Variants in ERC1 observed in about 807,000 individuals in gnomAD.
ERC1 encodes the protein ELKS/RAB6-interacting/CAST family member 1, also known as RAB6 interacting protein 2.
In ERC1, 56 loss-of-function variants were observed where a neutral mutation model predicts 132.0. The ratio of observed to expected loss-of-function variants is 0.42; its 90% CI spans 0.34 to 0.53. ERC1 has a LOEUF of 0.53. Among genes scored for constraint, ERC1 ranks in the 20% least tolerant of loss-of-function variants. The probability of loss-of-function intolerance (pLI) is 0.03; values close to 1 mark genes in which losing one functional copy is unlikely to be tolerated. For missense variants in ERC1, 1,202 were observed against 1,349.9 expected, an observed-to-expected ratio of 0.89 and a Z score of 1.72; for synonymous variants, 478 against 476.1, an observed-to-expected ratio of 1.00 and a Z score of -0.05.
chr12:1,222,703 A>G (rs1044646303), intron 12 of ERC1, among the ~76,000 whole-genome samples: 4 of 152,224 alleles, frequency 2.6e-5, no homozygotes, highest in African/African-American at 9.6e-5. Context: ...ATTTGACAAT[A>G]GAAGCATCCT....
At chr12:1,440,218 T>TTCC (rs573670116) in intron 17 of ERC1, among the ~76,000 whole-genome samples, 1 of 143,704 alleles carries the variant, frequency 7.0e-6, no homozygotes, top group Middle Eastern at 3.5e-3. Context: ...TTTTTTTTTT[T>TTCC]CCTTGAGACA....
At chr12:1,488,514 C>G (rs1318850529) in intron 18 of ERC1, among the ~76,000 whole-genome samples, 2 of 152,048 alleles carry the variant, frequency 1.3e-5, no homozygotes, top group Non-Finnish European at 2.9e-5. Context: ...ATATAGACTC[C>G]CATCTCTCCA....
intron 15 of ERC1, among the ~76,000 whole-genome samples, chr12:1,302,843 G>A (rs1289533345): frequency 2.0e-5 from 3 of 151,982 alleles, no homozygotes; most frequent in African/African-American, 7.3e-5. Context: ...CACACCAGTG[G>A]TCCCAGCTAC....
At chr12:1,353,084 G>T (rs1393700455) in intron 15 of ERC1, among the ~76,000 whole-genome samples, 4 of 147,950 alleles carry the variant, frequency 2.7e-5, no homozygotes, top group Non-Finnish European at 5.9e-5. Context: ...AGGCTGGAGT[G>T]CAGTGGTGTG....
intron 17 of ERC1, among the ~76,000 whole-genome samples, chr12:1,420,178 G>A (rs1187998796): frequency 6.6e-6 from 1 of 151,632 alleles, no homozygotes; most frequent in Non-Finnish European, 1.5e-5. Context: ...TTCACATTCA[G>A]CATTTCCTTT....
chr12:1,495,357 C>T lies in ERC1; in HGVS notation c.*5127C>T. 1 of 227,884 alleles carries T rather than the reference C, an allele frequency of 4.4e-6. No individual in the cohort carries two copies. The highest frequency in any genetic ancestry group is 8.7e-6 in the Non-Finnish European group (1 of 114,554). 14.1% of individuals were successfully genotyped at this position (227,884 alleles called of 1,614,324 possible). ...TTGAGCTTTTTTAGACCCTAGATCT[C>T]CTAGGCCCAGGCTCTCTCTTGACCC... On this transcript the variant is annotated 3_prime_UTR_variant, in exon 19 of 19. Coordinates refer to ENST00000360905, the MANE Select transcript of ERC1 (RefSeq NM_178040.4).
intron 15 of ERC1, among the ~76,000 whole-genome samples, chr12:1,349,478 A>AC (rs2084792893): frequency 6.6e-6 from 1 of 152,100 alleles, no homozygotes; most frequent in Non-Finnish European, 1.5e-5. Flanking sequence ...CAGCCTGTCC[A>AC]ATATGGTGAA....
intron 15 of ERC1, among the ~76,000 whole-genome samples, chr12:1,335,587 G>A (rs1292409229): frequency 6.6e-6 from 1 of 152,084 alleles, no homozygotes; most frequent in Non-Finnish European, 1.5e-5. Flanking sequence ...ACTTGATCTT[G>A]GTGGATAAGC....
chr12:1,070,307 CT>C (rs35289231), intron 2 of ERC1, among the ~76,000 whole-genome samples: 16 of 146,894 alleles, frequency 1.1e-4, no homozygotes, highest in African/African-American at 1.5e-4. Flanking sequence ...TTTTTCTTTT[CT>C]TTTTTTTTTG....
intron 15 of ERC1, among the ~76,000 whole-genome samples, chr12:1,300,287 C>T (rs1229094777): frequency 6.6e-6 from 1 of 152,156 alleles, no homozygotes; most frequent in Non-Finnish European, 1.5e-5. Context: ...AAACTGGACT[C>T]TTTCCTTACA....
chr12:1,013,005 T>G (rs1466041207), intron 1 of ERC1, among the ~76,000 whole-genome samples: 8 of 152,212 alleles, frequency 5.3e-5, no homozygotes, highest in Admixed American at 3.3e-4. Context: ...TATTCAGTCT[T>G]GTGAATAGAC....
chr12:1,308,678 C>T lies in ERC1; in HGVS notation c.2780+18666C>T, dbSNP rs556293676. 7.9e-5 allele frequency among the ~76,000 whole-genome samples: 12 copies of T among 152,226 alleles called. No homozygotes were observed. In the East Asian group the frequency reaches 1.9e-3, roughly 24 times the overall value. On this transcript the variant is annotated intron_variant, in intron 15 of 18. Transcript: ENST00000360905. ...AAATTGAAAGAAAATATTTTAATTT[C>T]TTATTACTTACTCATCAAATGTGTG... is the stretch of plus-strand genomic sequence containing the variant.
intron 2 of ERC1, among the ~76,000 whole-genome samples, chr12:1,059,919 T>A (rs1039547819): frequency 1.3e-5 from 2 of 152,234 alleles, no homozygotes; most frequent in Admixed American, 1.3e-4. Context: ...TTGGTGTTAG[T>A]TCTTTAAAAG....
At chr12:1,232,303 A>C (rs1419093316) in intron 12 of ERC1, among the ~76,000 whole-genome samples, 1 of 152,112 alleles carries the variant, frequency 6.6e-6, no homozygotes, top group Non-Finnish European at 1.5e-5. Context: ...ATTTTCTTTG[A>C]CTTGAGCTTT....
intron 2 of ERC1, among the ~76,000 whole-genome samples, chr12:1,052,151 T>C (rs1972132976): frequency 6.6e-6 from 1 of 152,200 alleles, no homozygotes; most frequent in South Asian, 2.1e-4. Flanking sequence ...ATCCTCAGAA[T>C]TTCTGATCGA....
At chr12:1,004,509 C>T (rs1963133989) in intron 1 of ERC1, among the ~76,000 whole-genome samples, 1 of 143,238 alleles carries the variant, frequency 7.0e-6, no homozygotes, top group Non-Finnish European at 1.5e-5. Context: ...TGGGTTCAGA[C>T]AATTCTCCTG....
rs574782384 is a variant in ERC1 at position 1,494,251 on chromosome 12, C to T, written c.*4021C>T. ...AGGATGAGAAGAGACTGCAATGCAG[C>T]AGGCACCCTCTGCAGAGTGAGGCCG... On this transcript the variant is annotated 3_prime_UTR_variant, in exon 19 of 19. Coordinates refer to ENST00000360905, the MANE Select transcript of ERC1 (RefSeq NM_178040.4). 4.3e-5 allele frequency: 10 copies of T among 232,182 alleles called. No individual in the cohort carries two copies. In the East Asian group the frequency reaches 5.5e-4, roughly 13 times the overall value. 14.4% of individuals were successfully genotyped at this position (232,182 alleles called of 1,614,324 possible). A position where few individuals can be genotyped will look rare whatever the true frequency, so the allele number is the denominator to read the frequency against.
Position 1,182,057 on chromosome 12 carries a change from G to A in ERC1, c.2008G>A (p.Glu670Lys), listed in dbSNP as rs900878279. 4 of 1,613,858 alleles carry A rather than the reference G, an allele frequency of 2.5e-6. No individual in the cohort carries two copies. Among genetic ancestry groups the A allele is most frequent in the Non-Finnish European group, 3.4e-6 (4 of 1,179,860 alleles). ...KVSLLQGDLS[E>K]KEASLLDLKE... ...CAGCCTGTTGCAAGGCGACCTTTCAGAGAAAGAGGTTAAGCTCCCCAAAAT... is the reference window on the plus strand; with the variant it reads ...CAGCCTGTTGCAAGGCGACCTTTCAAAGAAAGAGGTTAAGCTCCCCAAAAT... The change falls in exon 10 of 19, where the codon GAG (glutamate) becomes AAG (lysine). Residue 670 changes from glutamate to lysine, a missense_variant. Glu to Lys is a moderately conservative substitution (Grantham distance 56, BLOSUM62 1). Transcript: ENST00000360905.
In ERC1 at chr12:1,121,317, T is replaced by G. The variant is rs74057030; in HGVS notation, c.1569+5284T>G. ...CTATACAACTACTTGGTATTAGTTT[T>G]GGGACTGGAATTCATCATTTCTGAC... On this transcript the variant is annotated intron_variant, in intron 7 of 18. Transcript: ENST00000360905. Among the ~76,000 whole-genome samples, 1,419 of 152,342 alleles carry G rather than the reference T, an allele frequency of 9.3e-3. 20 individuals carry two copies. The highest frequency in any genetic ancestry group is 0.031 in the African/African-American group (1,290 of 41,580).
Sources: allele counts gnomAD v4.1 joint callset (sites outside exome capture counted in the v4.1 genomes callset), GRCh38; gene constraint gnomAD v4.1.1; transcripts MANE v1.5; gene names NCBI Gene and HGNC (gene_info 2026-07-23, HGNC 2026-07-21).